Variants in KLRG1 observed in about 807,000 individuals in gnomAD.
KLRG1 encodes killer cell lectin like receptor G1, also known as killer cell lectin-like receptor subfamily G member 1.
Under a neutral mutation model 21.8 loss-of-function variants are expected in KLRG1, and 16 were observed. The ratio of observed to expected loss-of-function variants is 0.73; its 90% CI spans 0.50 to 1.11. The LOEUF (loss-of-function observed/expected upper bound fraction) is 1.11, where lower values mean the gene tolerates loss of function less well. Among genes scored for constraint, KLRG1 ranks in the 50% most tolerant of loss-of-function variants. The pLI is 0.00. For missense variants in KLRG1, 173 were observed against 218.3 expected, an observed-to-expected ratio of 0.79 and a Z score of 1.31; for synonymous variants, 69 against 75.9, an observed-to-expected ratio of 0.91 and a Z score of 0.47.
At chr12:8,980,795 T>G (rs1946742730) in intron 1 of KLRG1, among the ~76,000 whole-genome samples, 1 of 152,098 alleles carries the variant, frequency 6.6e-6, no homozygotes, top group Admixed American at 6.6e-5. Flanking sequence ...TTGAAGACTG[T>G]GGGGGTCCTT....
At chr12:9,001,574 T>C (rs2137392837) in intron 3 of KLRG1, among the ~76,000 whole-genome samples, 1 of 152,268 alleles carries the variant, frequency 6.6e-6, no homozygotes, top group East Asian at 1.9e-4. Context: ...AAAATCTCCA[T>C]CTCTGACCCC....
intron 1 of KLRG1, among the ~76,000 whole-genome samples, chr12:8,983,327 T>G (rs1946786543): frequency 6.6e-6 from 1 of 151,778 alleles, no homozygotes; most frequent in African/African-American, 2.4e-5. Context: ...TATTTTTACT[T>G]CCTCTTCATT....
chr12:8,954,761 C>G (rs1423063433), intron 1 of KLRG1, among the ~76,000 whole-genome samples: 1 of 151,952 alleles, frequency 6.6e-6, no homozygotes, highest in Non-Finnish European at 1.5e-5. Flanking sequence ...TGTATGTATA[C>G]ATTTATTCAC....
intron 1 of KLRG1, among the ~76,000 whole-genome samples, chr12:8,974,670 CATTGATTTG>C (rs1210073671): frequency 1.3e-5 from 2 of 152,086 alleles, no homozygotes; most frequent in Non-Finnish European, 2.9e-5. Context: ...GTATTACATT[CATTGATTTG>C]CTAGTGTTGA....
At chr12:9,165,989 G>C in the KLRG1 span, 23 of 1,528,142 alleles carry the variant, frequency 1.5e-5, no homozygotes, top group Non-Finnish European at 2.0e-5. Context: ...TCTTAGAATT[G>C]AAAATGTTGG....
At chr12:9,196,337 A>G in the KLRG1 span, 1 of 1,607,266 alleles carries the variant, frequency 6.2e-7, no homozygotes, top group South Asian at 1.1e-5. Context: ...TACCTGTGCA[A>G]AAAAGGGGAT....
intron 1 of KLRG1, among the ~76,000 whole-genome samples, chr12:8,951,130 A>G (rs57343883): frequency 0.019 from 2,957 of 152,202 alleles, 96 homozygotes; most frequent in African/African-American, 0.066. Context: ...ACATAAACTC[A>G]CCAGGAGGGT....
At chr12:9,018,940 C>T in the KLRG1 span, among the ~76,000 whole-genome samples, 3 of 151,996 alleles carry the variant, frequency 2.0e-5, no homozygotes, top group African/African-American at 4.8e-5. Context: ...GGATAGCATC[C>T]AGTTAAAAAC....
the KLRG1 span, among the ~76,000 whole-genome samples, chr12:9,114,415 G>T: frequency 6.6e-6 from 1 of 151,918 alleles, no homozygotes; most frequent in Non-Finnish European, 1.5e-5. Context: ...TATTATTTTT[G>T]ATGATATTTT....
chr12:9,064,206 T>C, the KLRG1 span: 1 of 152,442 alleles, frequency 6.6e-6, no homozygotes, highest in African/African-American at 2.4e-5. This position sits in a 1 kb window ranked among gnomAD's most constrained non-coding sequence, Gnocchi z 4.0. Flanking sequence ...GCTTTGTCAC[T>C]AACTTAGTAA....
chr12:9,153,421 C>T, the KLRG1 span: 1 of 1,250,718 alleles, frequency 8.0e-7, no homozygotes, highest in Non-Finnish European at 1.1e-6. Flanking sequence ...TCTGTGTTAG[C>T]CTACCATGAG....
the KLRG1 span, among the ~76,000 whole-genome samples, chr12:9,146,896 G>C: frequency 7.7e-6 from 1 of 130,204 alleles, no homozygotes; most frequent in African/African-American, 2.9e-5. Flanking sequence ...AGAGAAGTTG[G>C]AGTATTGGAT....
intron 3 of KLRG1, among the ~76,000 whole-genome samples, chr12:9,007,963 G>C (rs1357732176): frequency 3.3e-5 from 5 of 151,776 alleles, no homozygotes; most frequent in African/African-American, 9.7e-5. Context: ...TTCATTTATA[G>C]AGGCAATTCT....
the KLRG1 span, chr12:9,101,714 G>A: frequency 5.3e-5 from 76 of 1,447,604 alleles, no homozygotes; most frequent in South Asian, 1.1e-4. Context: ...TAGATTATAC[G>A]TCATAAAGAT....
chr12:9,068,733 C>T, the KLRG1 span: 7 of 1,582,438 alleles, frequency 4.4e-6, no homozygotes, highest in East Asian at 1.6e-4. Context: ...AAATCACTCT[C>T]ACTCACCCGT....
the KLRG1 span, among the ~76,000 whole-genome samples, chr12:9,120,886 T>TGTGTGTG: frequency 6.8e-6 from 1 of 147,958 alleles, no homozygotes; most frequent in African/African-American, 2.5e-5. Flanking sequence ...TGTGTGTGTA[T>TGTGTGTG]TTTTTTTTTT....
At chr12:9,057,967 C>T in the KLRG1 span, 187 of 152,230 alleles carry the variant, frequency 1.2e-3, no homozygotes, top group African/African-American at 3.6e-3. Flanking sequence ...GTCTTTTAAA[C>T]GATTAAAATA....
the KLRG1 span, among the ~76,000 whole-genome samples, chr12:9,167,787 A>T: frequency 3.3e-5 from 5 of 152,136 alleles, no homozygotes; most frequent in African/African-American, 1.2e-4. Flanking sequence ...CTTGAATTTA[A>T]TAAATTCAAG....
the KLRG1 span, among the ~76,000 whole-genome samples, chr12:9,164,563 A>G: frequency 1.1e-4 from 17 of 152,304 alleles, no homozygotes; most frequent in East Asian, 3.1e-3. Context: ...ATCTGCTGCT[A>G]TGTAGATTTT....
Sources: gnomAD v4.1 joint callset for allele counts (sites outside exome capture counted in the v4.1 genomes callset) on GRCh38, gnomAD v4.1.1 for gene constraint, Gnocchi (gnomAD v3.1) non-coding constraint, MANE v1.5 for transcripts, NCBI Gene and HGNC (gene_info 2026-07-23, HGNC 2026-07-21) for gene names.